The following BRIP1 variants were observed in gnomAD, a reference collection of about 807,000 sequenced individuals.
BRIP1 encodes BRCA1 interacting DNA helicase 1.
In BRIP1, 88 loss-of-function variants were observed where a neutral mutation model predicts 119.7. That is an observed-to-expected ratio of 0.74 (90% CI 0.62 to 0.88). The LOEUF (loss-of-function observed/expected upper bound fraction) is 0.88. BRIP1 is among the 40% of genes least tolerant of loss of function. BRIP1 has a pLI of 0.00. For missense variants in BRIP1, 1,259 were observed against 1,455.4 expected (o/e 0.87, Z 2.20); for synonymous variants, 443 against 496.5 (o/e 0.89, Z 1.43).
At chr17:61,765,402 TATATATATATATATATA>T (rs2077347927) in intron 14 of BRIP1, among the ~76,000 whole-genome samples, 2 of 15,276 alleles carry the variant, frequency 1.3e-4, no homozygotes, top group East Asian at 1.3e-3. Flanking sequence ...TATATATATA[TATATATATATATATATA>T]TATATTTTTT....
chr17:61,821,405 T>A (rs2078322771), intron 6 of BRIP1, among the ~76,000 whole-genome samples: 1 of 152,174 alleles, frequency 6.6e-6, no homozygotes, highest in Non-Finnish European at 1.5e-5. Flanking sequence ...GAGGTGAGTT[T>A]TTCTTTTTGA....
chr17:61,744,653 T>G lies in BRIP1; in HGVS notation c.2098-62A>C, dbSNP rs570216163. The G allele has an allele frequency of 2.8e-6, 4 of 1,450,904 alleles. No homozygotes were observed. The East Asian group carries it at 9.1e-5, about 33-fold the overall frequency. 89.9% of individuals were successfully genotyped at this position (1,450,904 alleles called of 1,614,324 possible). A position where few individuals can be genotyped will look rare whatever the true frequency, so the allele number is the denominator to read the frequency against. On this transcript the variant is annotated intron_variant, in intron 14 of 19. Coordinates refer to ENST00000259008, the MANE Select transcript of BRIP1 (RefSeq NM_032043.3). The surrounding 1 kb of genome is among the most constrained non-coding windows in gnomAD (Gnocchi z 5.0). ...TCTAGCTAAACAAACTTAACTTCAT[T>G]TGTTTAAGCCAATGTGACTACGGCA...
At chr17:61,781,108 G>T in intron 11 of BRIP1, 103 bp from the exon 12 acceptor site, 1 of 1,039,876 alleles carries the variant, frequency 9.6e-7, no homozygotes, top group Non-Finnish European at 1.4e-6. Flanking sequence ...ATTTGAAAGA[G>T]CTGGTACCTT....
intron 14 of BRIP1, among the ~76,000 whole-genome samples, chr17:61,771,309 T>A (rs1408721116): frequency 1.3e-5 from 2 of 152,170 alleles, no homozygotes; most frequent in East Asian, 3.8e-4. Flanking sequence ...CTTTTTGGGG[T>A]CAGAAAAATA....
At chr17:61,737,819 A>G (rs1393780381) in intron 16 of BRIP1, among the ~76,000 whole-genome samples, 1 of 152,216 alleles carries the variant, frequency 6.6e-6, no homozygotes, top group Non-Finnish European at 1.5e-5. Flanking sequence ...TTTAATTATG[A>G]AAAAATGCGA....
intron 10 of BRIP1, among the ~76,000 whole-genome samples, chr17:61,790,364 G>C (rs1413111711): frequency 1.3e-5 from 2 of 152,052 alleles, no homozygotes; most frequent in African/African-American, 4.8e-5. Context: ...GACCAACATG[G>C]AGAAACTCCG....
rs2077259388 is a variant in BRIP1 at position 61,760,268 on chromosome 17, A to G, written c.2098-15677T>C. On this transcript the variant is annotated intron_variant, in intron 14 of 19. Coordinates refer to ENST00000259008, the MANE Select transcript of BRIP1 (RefSeq NM_032043.3). The surrounding 1 kb of genome is among the most constrained non-coding windows in gnomAD (Gnocchi z 4.6). ...TTGAGACAAACAAAAATGGAAACAC[A>G]ACATACCAAAACTTAAGGGATGCAG... Among the ~76,000 whole-genome samples, 1 of 151,994 alleles carries G rather than the reference A, an allele frequency of 6.6e-6. No homozygotes were observed. The highest frequency in any genetic ancestry group is 1.5e-5 in the Non-Finnish European group (1 of 67,936).
rs1029426187 is a variant in BRIP1, at chr17:61,713,805, G to C, written c.2492+2146C>G. ...CCAAAGTGCTGGATTACAGGCTTCA[G>C]CTATTGCGCTCCCCATGTCTTCATT... On this transcript the variant is annotated intron_variant, in intron 17 of 19. Coordinates refer to ENST00000259008, the MANE Select transcript of BRIP1 (RefSeq NM_032043.3). The surrounding 1 kb of genome is among the most constrained non-coding windows in gnomAD (Gnocchi z 4.9). Among the ~76,000 whole-genome samples, 9 of 151,760 alleles carry C rather than the reference G, an allele frequency of 5.9e-5. No homozygotes were observed. The highest frequency in any genetic ancestry group is 2.2e-4 in the African/African-American group (9 of 41,302).
chr17:61,770,637 A>G lies in BRIP1; in HGVS notation c.2097+5764T>C, dbSNP rs2077434769. Among the ~76,000 whole-genome samples the G allele has an allele frequency of 6.6e-6, 1 of 152,228 alleles. No homozygotes were observed. Among genetic ancestry groups the G allele is most frequent in the Non-Finnish European group, 1.5e-5 (1 of 68,042 alleles). ...ACAAAGAAGGTAGGATTAAAAAAAC[A>G]GCTACATAGGATTAAAGCTTCTGCA... On this transcript the variant is annotated intron_variant, in intron 14 of 19. Transcript: ENST00000259008. The surrounding 1 kb of genome is among the most constrained non-coding windows in gnomAD (Gnocchi z 4.7).
chr17:61,855,578 CAA>C (rs200850712), intron 4 of BRIP1, among the ~76,000 whole-genome samples: 19,541 of 99,292 alleles, frequency 0.2, 1,563 homozygotes, highest in East Asian at 0.57. Flanking sequence ...GATTCTGTCT[CAA>C]AAAAAAAAAA....
chr17:61,847,284 C>G, intron 5 of BRIP1, 64 bp from the exon 6 acceptor site: 1 of 1,570,090 alleles, frequency 6.4e-7, no homozygotes, highest in Non-Finnish European at 8.8e-7. Flanking sequence ...TAGTTGTTCT[C>G]AAAGGCCAAA....
chr17:61,689,990 A>G lies in BRIP1; in HGVS notation c.2575+3440T>C, dbSNP rs1418950784. Among the ~76,000 whole-genome samples the G allele has an allele frequency of 1.3e-5, 2 of 152,246 alleles. No homozygotes were observed. Among genetic ancestry groups the G allele is most frequent in the African/African-American group, 4.8e-5 (2 of 41,458 alleles). On this transcript the variant is annotated intron_variant, in intron 18 of 19. Coordinates refer to ENST00000259008, the MANE Select transcript of BRIP1 (RefSeq NM_032043.3). The surrounding 1 kb of genome is among the most constrained non-coding windows in gnomAD (Gnocchi z 4.5). Reference sequence around the variant, plus strand: ...CACTGGACTCCTGCCTGGGTGGCAGAGTAACATCCTGTCTCCAAAAAGAGA... The same window carrying G: ...CACTGGACTCCTGCCTGGGTGGCAGGGTAACATCCTGTCTCCAAAAAGAGA...
chr17:61,712,004 G>A (rs2061784684), intron 17 of BRIP1, among the ~76,000 whole-genome samples: 1 of 152,056 alleles, frequency 6.6e-6, no homozygotes, highest in Non-Finnish European at 1.5e-5. Context: ...CATAGCTTAT[G>A]TATTTGTATA....
rs2077534711 is a variant in BRIP1 at position 61,776,466 on chromosome 17, C to T, written c.2032G>A (p.Ala678Thr). ...GTCTGGCACACAGATAACAAAAGTG[C>T]TCCCACTTCATCTTGGAACTCAAAT... Reference protein sequence around the residue: ...ETFEFQDEVGALLLSVCQTVS... With the variant: ...ETFEFQDEVGTLLLSVCQTVS... Residue 678 changes from alanine to threonine, a missense_variant, in exon 14 of 20, where the codon GCA becomes ACA. Physicochemically the swap from Ala to Thr is moderately conservative, Grantham distance 58. This residue lies in a region of BRIP1 where 753 missense variants were observed against 891.8 expected (regional missense o/e 0.84). Transcript: ENST00000259008. This position sits in a 1 kb window ranked among gnomAD's most constrained non-coding sequence, Gnocchi z 5.0. The T allele has an allele frequency of 6.2e-7, 1 of 1,614,138 alleles. No homozygotes were observed. The highest frequency in any genetic ancestry group is 1.1e-5 in the South Asian group (1 of 91,088).
intron 14 of BRIP1, among the ~76,000 whole-genome samples, chr17:61,765,396 TATATATATATATATATATATA>T (rs2077346042): frequency 2.7e-4 from 4 of 14,962 alleles, no homozygotes; most frequent in Non-Finnish European, 4.6e-4. Context: ...TATATATATA[TATATATATATATATATATATA>T]TATATATTTT....
rs1208284659 is a variant in BRIP1, at chr17:61,705,261, G to T, written c.2492+10690C>A. Among the ~76,000 whole-genome samples, 1 of 152,150 alleles carries T rather than the reference G, an allele frequency of 6.6e-6. No homozygotes were observed. The highest frequency in any genetic ancestry group is 1.5e-5 in the Non-Finnish European group (1 of 68,036). ...CCAGTTGCATCCATGTTGCGGCAAG[G>T]ACATGATTTCATTCTTTTTTAATGG... is the stretch of plus-strand genomic sequence containing the variant. On this transcript the variant is annotated intron_variant, in intron 17 of 19. Coordinates refer to ENST00000259008, the MANE Select transcript of BRIP1 (RefSeq NM_032043.3). The surrounding 1 kb of genome is among the most constrained non-coding windows in gnomAD (Gnocchi z 5.0).
chr17:61,790,608 G>A (rs1333565190), intron 10 of BRIP1, among the ~76,000 whole-genome samples: 1 of 152,046 alleles, frequency 6.6e-6, no homozygotes, highest in Admixed American at 6.6e-5. Flanking sequence ...TTATTGCTAT[G>A]TAGTATTCCA....
Position 61,735,625 on chromosome 17 carries a change from C to CA in BRIP1, c.2379+7387dup, listed in dbSNP as rs753949795. ...GCAACATAGCAAGATCCTGCCTCTACAAAAAAAAAAAAACCACGTTTAAAA... is the reference window on the plus strand; with the variant it reads ...GCAACATAGCAAGATCCTGCCTCTACAAAAAAAAAAAAAACCACGTTTAAAA... On this transcript the variant is annotated intron_variant, in intron 16 of 19. Coordinates refer to ENST00000259008, the MANE Select transcript of BRIP1 (RefSeq NM_032043.3). The surrounding 1 kb of genome is among the most constrained non-coding windows in gnomAD (Gnocchi z 4.4). Among the ~76,000 whole-genome samples the CA allele has an allele frequency of 0.026, 3,131 of 121,628 alleles. 74 individuals carry two copies. The highest frequency in any genetic ancestry group is 0.066 in the African/African-American group (2,186 of 33,094). 79.8% of individuals were successfully genotyped at this position (121,628 alleles called of 152,430 possible).
chr17:61,707,462 T>C (rs2061707478), intron 17 of BRIP1, among the ~76,000 whole-genome samples: 1 of 152,176 alleles, frequency 6.6e-6, no homozygotes, highest in Non-Finnish European at 1.5e-5. Flanking sequence ...TCTTGAGTTA[T>C]TTCTTTGAGA....
Sources: allele counts gnomAD v4.1 joint callset (sites outside exome capture counted in the v4.1 genomes callset), GRCh38; gene constraint gnomAD v4.1.1; regional missense constraint gnomAD v4.1.1; non-coding constraint Gnocchi (gnomAD v3.1); transcripts MANE v1.5; gene names NCBI Gene and HGNC (gene_info 2026-07-23, HGNC 2026-07-21).